RASAL2: variants seen among roughly 807,000 people sequenced by gnomAD.
The protein encoded by RASAL2 is RAS protein activator like 2.
A neutral mutation model predicts 128.9 loss-of-function variants in RASAL2; 58 were observed. The ratio of observed to expected loss-of-function variants is 0.45; its 90% confidence interval spans 0.36 to 0.56. The LOEUF is 0.56. RASAL2 is among the 20% of genes least tolerant of loss of function. The pLI, the probability that RASAL2 is intolerant of heterozygous loss-of-function variation, is 0.00. For missense variants in RASAL2, 1,360 were observed against 1,601.6 expected (o/e 0.85, Z 2.57); for synonymous variants, 561 against 580.8 (o/e 0.97, Z 0.49).
intron 1 of RASAL2, among the ~76,000 whole-genome samples, chr1:178,195,572 A>G (rs1019203371): frequency 2.6e-5 from 4 of 152,172 alleles, no homozygotes; most frequent in African/African-American, 9.6e-5. Flanking sequence ...CCTACCTCGT[A>G]GAGTGCTGTG....
intron 3 of RASAL2, among the ~76,000 whole-genome samples, chr1:178,386,185 C>A (rs778296246): frequency 1.3e-5 from 2 of 152,180 alleles, no homozygotes; most frequent in African/African-American, 2.4e-5. Flanking sequence ...TTTTCAATTT[C>A]TTTGCCACAC....
chr1:178,143,656 G>T (rs540380876), intron 1 of RASAL2, among the ~76,000 whole-genome samples: 9 of 152,006 alleles, frequency 5.9e-5, no homozygotes, highest in African/African-American at 2.2e-4. Flanking sequence ...AATAGAAAAA[G>T]ATATACACGA....
chr1:178,452,170 T>C (rs1446222130), intron 10 of RASAL2, among the ~76,000 whole-genome samples: 5 of 152,116 alleles, frequency 3.3e-5, no homozygotes, highest in African/African-American at 1.2e-4. Flanking sequence ...ATTTTCCCAC[T>C]TTGCAAAACT....
chr1:178,275,752 A>T (rs1666476549), intron 1 of RASAL2, among the ~76,000 whole-genome samples: 1 of 152,342 alleles, frequency 6.6e-6, no homozygotes, highest in Admixed American at 6.5e-5. Context: ...GTTAGACTAA[A>T]GGAAATTACT....
chr1:178,227,214 A>G (rs924615893), intron 1 of RASAL2, among the ~76,000 whole-genome samples: 20 of 151,632 alleles, frequency 1.3e-4, no homozygotes, highest in African/African-American at 4.8e-4. Context: ...AAAACACCCT[A>G]TTTATTTTTG....
At chr1:178,352,583 T>G (rs1008879507) in intron 3 of RASAL2, among the ~76,000 whole-genome samples, 4 of 151,986 alleles carry the variant, frequency 2.6e-5, no homozygotes, top group Non-Finnish European at 4.4e-5. Flanking sequence ...CATTCTAGAG[T>G]CTGTAGGATG....
chr1:178,457,529 G>A (rs1457817971), intron 13 of RASAL2, among the ~76,000 whole-genome samples, 154 bp from the exon 14 acceptor site: 1 of 152,216 alleles, frequency 6.6e-6, no homozygotes. Context: ...TCTAAGCATT[G>A]TAATAATTCC....
At chr1:178,268,117 C>T (rs1666064281) in intron 1 of RASAL2, among the ~76,000 whole-genome samples, 1 of 151,664 alleles carries the variant, frequency 6.6e-6, no homozygotes. Flanking sequence ...TGCCTGAGGC[C>T]AGAATTTAAG....
chr1:178,095,311 A>G (rs1282427310), intron 1 of RASAL2, among the ~76,000 whole-genome samples: 1 of 152,246 alleles, frequency 6.6e-6, no homozygotes, highest in Non-Finnish European at 1.5e-5. Context: ...TGAACACACT[A>G]AAACTTTCCC....
At position 178,447,673 on chromosome 1, in the gene RASAL2, TAAAAAAAA is replaced by T. The variant is rs60358768; in HGVS notation, c.1627+2032_1627+2039del. On this transcript the variant is annotated intron_variant, in intron 9 of 17. Coordinates refer to ENST00000367649, the MANE Select transcript of RASAL2 (RefSeq NM_170692.4). ...GAGACAAGAGCAAAACTCCTTCTCT[TAAAAAAAA>T]AAAAAAAAAAAAAAAAAAAAGCCAT... Among the ~76,000 whole-genome samples, 88 of 56,048 alleles carry T rather than the reference TAAAAAAAA, an allele frequency of 1.6e-3. 1 individual carries two copies. The highest frequency in any genetic ancestry group is 5.0e-3 in the African/African-American group (72 of 14,456). 36.8% of individuals were successfully genotyped at this position (56,048 alleles called of 152,430 possible). A position where few individuals can be genotyped will look rare whatever the true frequency, so the allele number is the denominator to read the frequency against.
At chr1:178,308,088 T>C (rs1211952499) in intron 3 of RASAL2, among the ~76,000 whole-genome samples, 3 of 152,116 alleles carry the variant, frequency 2.0e-5, no homozygotes, top group African/African-American at 4.8e-5. Flanking sequence ...GTCATCTTAC[T>C]TACAGAATGT....
intron 1 of RASAL2, among the ~76,000 whole-genome samples, chr1:178,153,984 C>T (rs528265530): frequency 1.2e-3 from 187 of 151,818 alleles, no homozygotes; most frequent in African/African-American, 4.1e-3. Flanking sequence ...TATAGGCGCC[C>T]GCCACCACGC....
intron 1 of RASAL2, among the ~76,000 whole-genome samples, chr1:178,245,109 T>G (rs1664710512): frequency 6.6e-6 from 1 of 152,160 alleles, no homozygotes; most frequent in South Asian, 2.1e-4. Context: ...GGATTGCTGG[T>G]TCAAATGGTA....
chr1:178,150,428 CA>C (rs1246789212), intron 1 of RASAL2, among the ~76,000 whole-genome samples: 1 of 152,102 alleles, frequency 6.6e-6, no homozygotes, highest in Admixed American at 6.5e-5. Flanking sequence ...TCAGGTGATC[CA>C]CCCGCCTTGG....
At chr1:178,187,077 C>T (rs1006142990) in intron 1 of RASAL2, among the ~76,000 whole-genome samples, 1 of 152,148 alleles carries the variant, frequency 6.6e-6, no homozygotes, top group Non-Finnish European at 1.5e-5. Flanking sequence ...ATCCTCCTGC[C>T]TCGGCCTCCC....
intron 1 of RASAL2, among the ~76,000 whole-genome samples, chr1:178,134,785 A>G (rs971173211): frequency 6.6e-6 from 1 of 152,246 alleles, no homozygotes; most frequent in African/African-American, 2.4e-5. Flanking sequence ...TGGTTTTACC[A>G]GTACATCCTG....
chr1:178,113,281 CT>C (rs1020492497), intron 1 of RASAL2, among the ~76,000 whole-genome samples: 8 of 146,322 alleles, frequency 5.5e-5, no homozygotes, highest in East Asian at 2.0e-4. Context: ...ACAACCCTGA[CT>C]TTTTTTTTTT....
At chr1:178,464,138 A>C (rs1313442878) in intron 14 of RASAL2, 140 bp from the exon 15 acceptor site, 2 of 984,688 alleles carry the variant, frequency 2.0e-6, no homozygotes, top group Non-Finnish European at 2.8e-6. Context: ...CCTTGGCATT[A>C]GTAAAATAAT....
At chr1:178,137,957 G>A (rs1047078202) in intron 1 of RASAL2, among the ~76,000 whole-genome samples, 5 of 152,190 alleles carry the variant, frequency 3.3e-5, no homozygotes, top group African/African-American at 7.2e-5. Context: ...TAGTGAGGGT[G>A]ATTTAAAGGG....
Sources: allele counts gnomAD v4.1 joint callset (sites outside exome capture counted in the v4.1 genomes callset), GRCh38; gene constraint gnomAD v4.1.1; transcripts MANE v1.5; gene names NCBI Gene and HGNC (gene_info 2026-07-23, HGNC 2026-07-21).